The following GPC5 variants were observed in gnomAD, a reference collection of about 807,000 sequenced individuals.
GPC5 encodes glypican 5.
A neutral mutation model predicts 53.9 loss-of-function variants in GPC5; 47 were observed. The observed-to-expected ratio is 0.87, with a 90% CI of 0.69 to 1.11. The LOEUF (loss-of-function observed/expected upper bound fraction) is 1.11, where lower values mean the gene tolerates loss of function less well. GPC5 is among the 50% of genes most tolerant of loss of function. GPC5 has a pLI of 0.00. For missense variants in GPC5, 748 were observed against 713.1 expected, an observed-to-expected ratio of 1.05 and a Z score of -0.56; for synonymous variants, 286 against 263.3, an observed-to-expected ratio of 1.09 and a Z score of -0.84.
At chr13:91,528,769 G>A (rs985946258) in intron 2 of GPC5, among the ~76,000 whole-genome samples, 6 of 152,170 alleles carry the variant, frequency 3.9e-5, no homozygotes, top group African/African-American at 9.7e-5. Flanking sequence ...GGCTTGGGAG[G>A]CCTCAGGAAA....
chr13:91,433,385 G>A (rs1164123309), intron 1 of GPC5, among the ~76,000 whole-genome samples: 4 of 137,808 alleles, frequency 2.9e-5, no homozygotes, highest in Non-Finnish European at 6.1e-5. Flanking sequence ...AGTGTGTGAT[G>A]TTCCCCTTCC....
intron 1 of GPC5, among the ~76,000 whole-genome samples, chr13:91,429,032 GC>G (rs1879251090): frequency 2.0e-5 from 3 of 152,096 alleles, no homozygotes; most frequent in African/African-American, 7.2e-5. Context: ...CAATTCTCAT[GC>G]CTCAGCCTCC....
At chr13:92,626,833 A>C (rs894566578) in intron 7 of GPC5, among the ~76,000 whole-genome samples, 2 of 152,182 alleles carry the variant, frequency 1.3e-5, no homozygotes, top group African/African-American at 4.8e-5. Context: ...GAAAGCTTAG[A>C]CTTACTGGTA....
intron 7 of GPC5, among the ~76,000 whole-genome samples, chr13:92,197,347 C>T (rs896239684): frequency 6.6e-6 from 1 of 152,086 alleles, no homozygotes; most frequent in Non-Finnish European, 1.5e-5. Flanking sequence ...ATCTATAGAA[C>T]GTCTATACCT....
At chr13:91,717,288 T>G (rs2036358919) in intron 3 of GPC5, among the ~76,000 whole-genome samples, 2 of 152,190 alleles carry the variant, frequency 1.3e-5, no homozygotes, top group African/African-American at 4.8e-5. Context: ...CATGAAATAA[T>G]TTGGTTTGTC....
chr13:92,283,967 A>G (rs550579825), intron 7 of GPC5, among the ~76,000 whole-genome samples: 2 of 152,336 alleles, frequency 1.3e-5, no homozygotes, highest in Non-Finnish European at 2.9e-5. Context: ...GTTTTTTGAA[A>G]AGATCAACAA....
At chr13:91,640,249 G>T (rs1459645464) in intron 2 of GPC5, among the ~76,000 whole-genome samples, 1 of 152,034 alleles carries the variant, frequency 6.6e-6, no homozygotes, top group African/African-American at 2.4e-5. Flanking sequence ...TCTGATAAAG[G>T]TCTAGTATCT....
chr13:91,587,132 C>A (rs1344479161), intron 2 of GPC5, among the ~76,000 whole-genome samples: 2 of 151,936 alleles, frequency 1.3e-5, no homozygotes, highest in African/African-American at 2.4e-5. Flanking sequence ...ACAACTCAAA[C>A]TTCTTTGATT....
intron 5 of GPC5, among the ~76,000 whole-genome samples, chr13:91,864,890 T>C (rs1317298904): frequency 6.6e-6 from 1 of 151,452 alleles, no homozygotes; most frequent in Non-Finnish European, 1.5e-5. Flanking sequence ...GTTTTTGTCT[T>C]AATTTTCTTT....
intron 7 of GPC5, among the ~76,000 whole-genome samples, chr13:92,165,235 A>T (rs2042018673): frequency 6.6e-6 from 1 of 152,194 alleles, no homozygotes; most frequent in Admixed American, 6.5e-5. Context: ...TTGGATCATC[A>T]GGCTGCAAAT....
chr13:92,585,154 C>T (rs1370357773), intron 7 of GPC5, among the ~76,000 whole-genome samples: 1 of 152,046 alleles, frequency 6.6e-6, no homozygotes, highest in African/African-American at 2.4e-5. Flanking sequence ...CTTCAGACCC[C>T]AGAATGGTAG....
At chr13:91,972,471 A>C (rs1275964370) in intron 6 of GPC5, among the ~76,000 whole-genome samples, 1 of 152,112 alleles carries the variant, frequency 6.6e-6, no homozygotes, top group Non-Finnish European at 1.5e-5. Flanking sequence ...TTTACATTTA[A>C]AGTTAATATT....
chr13:91,425,647 T>C (rs1305785021), intron 1 of GPC5, among the ~76,000 whole-genome samples: 2 of 152,250 alleles, frequency 1.3e-5, no homozygotes, highest in Non-Finnish European at 2.9e-5. Context: ...TAAACTTCTT[T>C]TCTTTATAAA....
chr13:91,744,483 G>A (rs1400688211), intron 4 of GPC5, among the ~76,000 whole-genome samples: 4 of 152,120 alleles, frequency 2.6e-5, no homozygotes, highest in Non-Finnish European at 5.9e-5. Context: ...TATTTGGAAT[G>A]AAAGATATGG....
At chr13:91,909,027 A>G (rs2039583358) in intron 6 of GPC5, among the ~76,000 whole-genome samples, 1 of 152,152 alleles carries the variant, frequency 6.6e-6, no homozygotes, top group African/African-American at 2.4e-5. Flanking sequence ...AAGAGTCCCT[A>G]TATCTCAAGG....
At chr13:91,769,565 A>G (rs750003600) in intron 5 of GPC5, among the ~76,000 whole-genome samples, 20 of 152,196 alleles carry the variant, frequency 1.3e-4, no homozygotes, top group Non-Finnish European at 2.5e-4. Context: ...TTTTCCAAGT[A>G]GAGAGAATAT....
intron 7 of GPC5, among the ~76,000 whole-genome samples, chr13:92,543,048 T>G (rs1289861741): frequency 6.6e-6 from 1 of 152,022 alleles, no homozygotes; most frequent in Non-Finnish European, 1.5e-5. Flanking sequence ...TTTTCAGTAT[T>G]AATTACATTA....
intron 6 of GPC5, among the ~76,000 whole-genome samples, chr13:91,952,197 G>GTGTGTGTGTGTC (rs2040033058): frequency 1.7e-5 from 2 of 120,962 alleles, no homozygotes; most frequent in African/African-American, 5.0e-5. Flanking sequence ...CTCTGTGTGT[G>GTGTGTGTGTGTC]TGTGTGTGTG....
rs543095270 is a variant in GPC5, at chr13:92,090,706, TACG to T, written c.1402-54121_1402-54119del. 2.7e-3 allele frequency among the ~76,000 whole-genome samples: 413 copies of T among 152,352 alleles called. 1 individual carries two copies. The highest frequency in any genetic ancestry group is 9.5e-3 in the African/African-American group (395 of 41,588). On this transcript the variant is annotated intron_variant, in intron 6 of 7. Coordinates refer to ENST00000377067, the MANE Select transcript of GPC5 (RefSeq NM_004466.6). ...TCTTCCTCTAACTACTTTTAAAGTCTACGACAATTAGAAAATGATGTTTTGTGT... is the reference window on the plus strand; with the variant it reads ...TCTTCCTCTAACTACTTTTAAAGTCTACAATTAGAAAATGATGTTTTGTGT...
Sources: allele counts gnomAD v4.1 joint callset (sites outside exome capture counted in the v4.1 genomes callset), GRCh38; gene constraint gnomAD v4.1.1; transcripts MANE v1.5; gene names NCBI Gene and HGNC (gene_info 2026-07-23, HGNC 2026-07-21).